The following AKT3 variants were observed in gnomAD, a reference collection of about 807,000 sequenced individuals.
AKT3 encodes the protein RAC-gamma serine/threonine-protein kinase.
In AKT3, 15 loss-of-function variants were observed where a neutral mutation model predicts 65.3. The ratio of observed to expected loss-of-function variants is 0.23; its 90% CI spans 0.15 to 0.35. AKT3 has a LOEUF of 0.35. Ranked by LOEUF, AKT3 falls within the 10% of genes least tolerant of loss-of-function variation. AKT3 has a pLI of 1.00. For missense variants in AKT3, 243 were observed against 576.5 expected (o/e 0.42, Z 5.92); for synonymous variants, 206 against 183.8 (o/e 1.12, Z -0.98).
chr1:243,700,767 GGT>G (rs1685399246), intron 2 of AKT3, among the ~76,000 whole-genome samples: 1 of 152,158 alleles, frequency 6.6e-6, no homozygotes, highest in Non-Finnish European at 1.5e-5. Context: ...ATCCCAAAGT[GGT>G]GGGATTACAG....
intron 2 of AKT3, among the ~76,000 whole-genome samples, chr1:243,840,358 G>A (rs1038209322): frequency 6.6e-6 from 1 of 151,764 alleles, no homozygotes. Context: ...TGCTGGGGGT[G>A]GGGGGCAAGG....
At chr1:243,738,752 T>C (rs1309947608) in intron 2 of AKT3, among the ~76,000 whole-genome samples, 1 of 152,150 alleles carries the variant, frequency 6.6e-6, no homozygotes, top group Admixed American at 6.5e-5. Context: ...AATGCAAAAC[T>C]ATGTAACTCT....
At chr1:243,667,784 C>T (rs1055442469) in intron 3 of AKT3, among the ~76,000 whole-genome samples, 7 of 152,124 alleles carry the variant, frequency 4.6e-5, no homozygotes, top group African/African-American at 1.7e-4. Context: ...TCCCACTGAC[C>T]CCACTGAAGT....
intron 2 of AKT3, among the ~76,000 whole-genome samples, chr1:243,803,405 C>T (rs1238683643): frequency 6.6e-6 from 1 of 151,996 alleles, no homozygotes; most frequent in African/African-American, 2.4e-5. Context: ...TGAAGTTATC[C>T]ACATAGAGTT....
chr1:243,725,972 C>T (rs1310659550), intron 2 of AKT3, among the ~76,000 whole-genome samples: 2 of 152,180 alleles, frequency 1.3e-5, no homozygotes, highest in African/African-American at 4.8e-5. Context: ...AGGAAAGCTA[C>T]TGGCCTTTTT....
chr1:243,513,112 C>A (rs139812388), intron 12 of AKT3, among the ~76,000 whole-genome samples: 1 of 152,144 alleles, frequency 6.6e-6, no homozygotes, highest in Non-Finnish European at 1.5e-5. Flanking sequence ...ACTGCACCTG[C>A]GGCAGGCATG....
intron 12 of AKT3, among the ~76,000 whole-genome samples, chr1:243,526,465 A>AT (rs894070357): frequency 1.5e-4 from 23 of 152,104 alleles, no homozygotes; most frequent in African/African-American, 5.3e-4. Flanking sequence ...GAGCTACAAA[A>AT]TGGCTGTTCC....
At chr1:243,523,482 G>T (rs1383399778) in intron 12 of AKT3, among the ~76,000 whole-genome samples, 1 of 152,110 alleles carries the variant, frequency 6.6e-6, no homozygotes, top group Non-Finnish European at 1.5e-5. Flanking sequence ...AAAGAAAAAA[G>T]AAGTATGTTT....
intron 2 of AKT3, among the ~76,000 whole-genome samples, chr1:243,721,697 G>A (rs1244133492): frequency 2.7e-5 from 4 of 147,510 alleles, no homozygotes; most frequent in Non-Finnish European, 4.5e-5. Flanking sequence ...AGAGAAAAAG[G>A]AGTTAATAAC....
At chr1:243,532,788 TTTGGTG>T (rs1383699067) in intron 12 of AKT3, among the ~76,000 whole-genome samples, 1 of 152,188 alleles carries the variant, frequency 6.6e-6, no homozygotes, top group African/African-American at 2.4e-5. Context: ...TGGGCTTTTC[TTTGGTG>T]GGAGGTTTGC....
intron 2 of AKT3, among the ~76,000 whole-genome samples, chr1:243,709,343 A>G (rs1686004438): frequency 6.6e-6 from 1 of 151,706 alleles, no homozygotes; most frequent in Non-Finnish European, 1.5e-5. Context: ...ACAAGCAGGT[A>G]AACAGCAAAT....
intron 12 of AKT3, among the ~76,000 whole-genome samples, chr1:243,531,092 CCTCT>C (rs974179127): frequency 9.9e-5 from 15 of 151,996 alleles, no homozygotes; most frequent in African/African-American, 2.9e-4. Context: ...TCTATCCATC[CCTCT>C]CTCTATCTTT....
chr1:243,810,704 C>G (rs1196294355), intron 2 of AKT3, among the ~76,000 whole-genome samples: 1 of 152,144 alleles, frequency 6.6e-6, no homozygotes, highest in Non-Finnish European at 1.5e-5. Flanking sequence ...GATACCAAAG[C>G]CTGGCAGAGA....
intron 2 of AKT3, among the ~76,000 whole-genome samples, chr1:243,706,071 T>C (rs1685778932): frequency 6.6e-6 from 1 of 152,196 alleles, no homozygotes. Flanking sequence ...AAATATAATA[T>C]CATACATGGC....
chr1:243,760,873 G>C (rs1050359300), intron 2 of AKT3, among the ~76,000 whole-genome samples: 1 of 152,164 alleles, frequency 6.6e-6, no homozygotes, highest in Non-Finnish European at 1.5e-5. Context: ...ATGAGTTATA[G>C]TGTTCATGGC....
At chr1:243,557,327 T>C (rs571656880) in intron 10 of AKT3, among the ~76,000 whole-genome samples, 1 of 152,234 alleles carries the variant, frequency 6.6e-6, no homozygotes, top group South Asian at 2.1e-4. Context: ...TTGTATATGT[T>C]CTCATGGTAC....
chr1:243,488,623 C>T (rs1234664168), intron 13 of AKT3, among the ~76,000 whole-genome samples: 1 of 152,182 alleles, frequency 6.6e-6, no homozygotes, highest in South Asian at 2.1e-4. Context: ...TTCCACGGCC[C>T]TCACCCACTT....
intron 2 of AKT3, among the ~76,000 whole-genome samples, chr1:243,821,278 A>G (rs1693836309): frequency 6.6e-6 from 1 of 152,184 alleles, no homozygotes; most frequent in Non-Finnish European, 1.5e-5. Flanking sequence ...AGAGCTCCTA[A>G]AGGGAGACTA....
Position 243,505,203 on chromosome 1 carries a change from C to A in AKT3, c.*46G>T. On this transcript the variant is annotated 3_prime_UTR_variant, in exon 14 of 14. Coordinates refer to ENST00000673466, the MANE Select transcript of AKT3 (RefSeq NM_005465.7). ...ACTGGTGATGTCCAGGAATCATTTT[C>A]AGTAATAAATTGAAGATGACAGTGA... The A allele has an allele frequency of 1.3e-6, 2 of 1,542,294 alleles. No homozygotes were observed. Among genetic ancestry groups the A allele is most frequent in the Middle Eastern group, 1.7e-4 (1 of 5,942 alleles).
Sources: allele counts gnomAD v4.1 joint callset (sites outside exome capture counted in the v4.1 genomes callset), GRCh38; gene constraint gnomAD v4.1.1; transcripts MANE v1.5; gene names NCBI Gene and HGNC (gene_info 2026-07-23, HGNC 2026-07-21).